The following SUGCT variants were observed in gnomAD, a reference collection of about 807,000 sequenced individuals.
The protein encoded by SUGCT is succinyl-CoA:glutarate-CoA transferase, also known as succinyl-CoA:glutarate CoA-transferase.
Under a neutral mutation model 55.0 loss-of-function variants are expected in SUGCT, and 41 were observed. The observed-to-expected ratio is 0.74, with a 90% CI of 0.58 to 0.97. The LOEUF is 0.97. Among genes scored for constraint, SUGCT ranks in the 50% least tolerant of loss-of-function variants. The probability of loss-of-function intolerance (pLI) is 0.00; values close to 1 mark genes in which losing one functional copy is unlikely to be tolerated. For synonymous variants in SUGCT, 187 were observed against 200.4 expected (o/e 0.93, Z 0.56); for missense variants, 568 against 547.8 (o/e 1.04, Z -0.37).
At chr7:40,696,428 C>G (rs1784937667) in intron 12 of SUGCT, among the ~76,000 whole-genome samples, 1 of 152,154 alleles carries the variant, frequency 6.6e-6, no homozygotes, top group Non-Finnish European at 1.5e-5. Context: ...GGTGAGTAGA[C>G]TATGCCAGTC....
At chr7:40,568,883 G>C (rs1305134136) in intron 12 of SUGCT, among the ~76,000 whole-genome samples, 1 of 152,260 alleles carries the variant, frequency 6.6e-6, no homozygotes. Context: ...CCCTCTAAAG[G>C]ACTTGGGTTT....
At chr7:40,492,954 G>A (rs949514547) in intron 11 of SUGCT, among the ~76,000 whole-genome samples, 1 of 152,076 alleles carries the variant, frequency 6.6e-6, no homozygotes, top group Non-Finnish European at 1.5e-5. Flanking sequence ...TAAAAGCATC[G>A]GGAATGAATG....
At chr7:40,737,884 A>G (rs1787253429) in intron 12 of SUGCT, among the ~76,000 whole-genome samples, 1 of 151,922 alleles carries the variant, frequency 6.6e-6, no homozygotes, top group Non-Finnish European at 1.5e-5. Flanking sequence ...AGATGGTGCC[A>G]CTGCACTCTG....
intron 13 of SUGCT, among the ~76,000 whole-genome samples, chr7:40,856,886 AT>A (rs1271299738): frequency 4.6e-5 from 7 of 152,178 alleles, no homozygotes; most frequent in African/African-American, 1.7e-4. Context: ...AAATTCCCAC[AT>A]TATTTGCTAA....
At chr7:40,318,767 A>G (rs1795567593) in intron 9 of SUGCT, among the ~76,000 whole-genome samples, 1 of 152,240 alleles carries the variant, frequency 6.6e-6, no homozygotes, top group South Asian at 2.1e-4. Context: ...ACGTGAAGAA[A>G]GCATTCCTGA....
At chr7:40,205,988 A>G (rs1454216749) in intron 6 of SUGCT, among the ~76,000 whole-genome samples, 2 of 152,230 alleles carry the variant, frequency 1.3e-5, no homozygotes, top group Non-Finnish European at 2.9e-5. Flanking sequence ...ATATATGGTT[A>G]GAATAGTTTC....
At chr7:40,174,779 C>T (rs2150688659) in intron 1 of SUGCT, among the ~76,000 whole-genome samples, 1 of 152,134 alleles carries the variant, frequency 6.6e-6, no homozygotes, top group South Asian at 2.1e-4. Context: ...TCAATTCTGC[C>T]AACAGGAAAA....
intron 12 of SUGCT, among the ~76,000 whole-genome samples, chr7:40,554,304 A>G (rs1439273410): frequency 6.6e-6 from 1 of 152,204 alleles, no homozygotes; most frequent in Non-Finnish European, 1.5e-5. Flanking sequence ...CCTAAATGTA[A>G]CAACAGATCT....
At chr7:40,930,058 A>G in the SUGCT span, among the ~76,000 whole-genome samples, 2 of 152,138 alleles carry the variant, frequency 1.3e-5, no homozygotes, top group Non-Finnish European at 2.9e-5. Context: ...TTTTAGGTCT[A>G]ACATTTAAGT....
intron 1 of SUGCT, among the ~76,000 whole-genome samples, chr7:40,162,042 G>A (rs571732062): frequency 6.6e-6 from 1 of 151,822 alleles, no homozygotes; most frequent in Non-Finnish European, 1.5e-5. Context: ...GATTACAGGC[G>A]CCCACCACTA....
At chr7:40,662,412 A>G (rs958498077) in intron 12 of SUGCT, among the ~76,000 whole-genome samples, 2 of 152,162 alleles carry the variant, frequency 1.3e-5, no homozygotes, top group South Asian at 4.1e-4. Flanking sequence ...CTCTGCTTAG[A>G]ATCATCCAAT....
chr7:40,564,259 C>A (rs1219803803), intron 12 of SUGCT, among the ~76,000 whole-genome samples: 1 of 152,130 alleles, frequency 6.6e-6, no homozygotes, highest in Non-Finnish European at 1.5e-5. Flanking sequence ...GCCTGTAGTC[C>A]CAGTTACTCG....
chr7:40,945,940 G>A, the SUGCT span, among the ~76,000 whole-genome samples: 1 of 152,234 alleles, frequency 6.6e-6, no homozygotes, highest in East Asian at 1.9e-4. Flanking sequence ...CTCTGATGGG[G>A]GTGGCAGAGG....
In SUGCT at chr7:40,566,675, A is replaced by G. The variant is rs539281543; in HGVS notation, c.1089+70289A>G. On this transcript the variant is annotated intron_variant, in intron 12 of 13. Coordinates refer to ENST00000335693, the MANE Select transcript of SUGCT (RefSeq NM_001193313.2). ...TAAGCTAAATGCATTCTATTTGCTT[A>G]TATTTTAAGGTTTGTTTCATCGAGG... 2.3e-3 allele frequency among the ~76,000 whole-genome samples: 356 copies of G among 152,302 alleles called. 13 individuals carry two copies. In the South Asian group the frequency reaches 0.073, roughly 31 times the overall value.
chr7:40,903,677 C>T, the SUGCT span, among the ~76,000 whole-genome samples: 1 of 152,218 alleles, frequency 6.6e-6, no homozygotes, highest in Non-Finnish European at 1.5e-5. Context: ...CGAGTTCTTT[C>T]ATCACACGCA....
chr7:40,910,327 A>C, the SUGCT span, among the ~76,000 whole-genome samples: 1 of 152,120 alleles, frequency 6.6e-6, no homozygotes, highest in African/African-American at 2.4e-5. Flanking sequence ...CCAGTCTGAG[A>C]AGATTAACTT....
At chr7:40,742,122 CTA>C (rs1001597837) in intron 12 of SUGCT, among the ~76,000 whole-genome samples, 1 of 151,980 alleles carries the variant, frequency 6.6e-6, no homozygotes, top group African/African-American at 2.4e-5. Flanking sequence ...TGTATACACA[CTA>C]TATATATGCA....
chr7:40,406,373 G>A (rs1051448600), intron 9 of SUGCT, among the ~76,000 whole-genome samples: 6 of 152,144 alleles, frequency 3.9e-5, no homozygotes, highest in Admixed American at 1.3e-4. Flanking sequence ...TGTTGTGGCT[G>A]ATTTATTAGT....
At chr7:40,869,839 G>A in the SUGCT span, among the ~76,000 whole-genome samples, 1 of 152,122 alleles carries the variant, frequency 6.6e-6, no homozygotes, top group Non-Finnish European at 1.5e-5. Flanking sequence ...GGTTTTGTGT[G>A]AAATGCTTCA....
Sources: gnomAD v4.1 joint callset for allele counts (sites outside exome capture counted in the v4.1 genomes callset) on GRCh38, gnomAD v4.1.1 for gene constraint, MANE v1.5 for transcripts, NCBI Gene and HGNC (gene_info 2026-07-23, HGNC 2026-07-21) for gene names.